Variants in ELAVL4 observed in about 807,000 individuals in gnomAD.
ELAVL4 encodes ELAV like RNA binding protein 4, also known as ELAV-like protein 4.
In ELAVL4, 1 loss-of-function variant was observed where a neutral mutation model predicts 35.6. That is an observed-to-expected ratio of 0.03 (90% CI 0.01 to 0.13). The LOEUF is 0.13. Ranked by LOEUF, ELAVL4 falls within the 10% of genes least tolerant of loss-of-function variation. The pLI, the probability that ELAVL4 is intolerant of heterozygous loss-of-function variation, is 1.00. For missense variants in ELAVL4, 267 were observed against 464.9 expected (o/e 0.57, Z 3.91); for synonymous variants, 156 against 171.0 (o/e 0.91, Z 0.69).
At chr1:50,138,482 TG>T (rs1672269074) in intron 1 of ELAVL4, among the ~76,000 whole-genome samples, 1 of 151,034 alleles carries the variant, frequency 6.6e-6, no homozygotes, top group Non-Finnish European at 1.5e-5. Context: ...TTTTTTGAGG[TG>T]GAGTCTTGCT....
chr1:50,140,720 A>C (rs1557768007), intron 1 of ELAVL4, among the ~76,000 whole-genome samples: 1 of 152,088 alleles, frequency 6.6e-6, no homozygotes, highest in East Asian at 1.9e-4. Flanking sequence ...GCACACTTTT[A>C]TTGAGAAAAC....
At chr1:50,094,922 T>TC (rs1481453446) in intron 1 of ELAVL4, among the ~76,000 whole-genome samples, 1 of 151,758 alleles carries the variant, frequency 6.6e-6, no homozygotes, top group East Asian at 1.9e-4. Flanking sequence ...GGAGTGAGAC[T>TC]CCATCTCAAA....
rs1644417432 is a variant in ELAVL4 at position 50,202,145 on chromosome 1, C to A, written c.*967C>A. The A allele has an allele frequency of 6.6e-6, 1 of 151,942 alleles. No homozygotes were observed. The highest frequency in any genetic ancestry group is 2.1e-4 in the South Asian group (1 of 4,826). The allele number at this position is 151,942 out of a possible 1,614,324, so 9.4% of individuals were successfully genotyped here. On this transcript the variant is annotated 3_prime_UTR_variant, in exon 7 of 7. Coordinates refer to ENST00000371824, the MANE Select transcript of ELAVL4 (RefSeq NM_001144774.3). The stretch of plus-strand genomic sequence containing the variant: ...ATAGCATGTAATAATAATTAAAAAA[C>A]AATTATTAATTACTAGGGGAAAGGA...
intron 3 of ELAVL4, among the ~76,000 whole-genome samples, chr1:50,183,987 C>T (rs551569269): frequency 7.9e-5 from 12 of 152,232 alleles, no homozygotes; most frequent in South Asian, 2.1e-4. Context: ...TCAGCAGGGG[C>T]GGCTGGATCA....
chr1:50,048,270 C>T, intron 1 of ELAVL4: 6 of 1,390,274 alleles, frequency 4.3e-6, no homozygotes, highest in Non-Finnish European at 5.6e-6. Flanking sequence ...TCGCGACTGG[C>T]TTCTCCCAGC....
chr1:50,188,344 A>G (rs2148864939), intron 3 of ELAVL4, among the ~76,000 whole-genome samples: 1 of 152,280 alleles, frequency 6.6e-6, no homozygotes, highest in African/African-American at 2.4e-5. Flanking sequence ...TATGAACCAC[A>G]GTTATAGAAA....
chr1:50,090,460 GA>G (rs957012475), intron 1 of ELAVL4, among the ~76,000 whole-genome samples: 113 of 149,212 alleles, frequency 7.6e-4, no homozygotes, highest in African/African-American at 2.4e-3. Flanking sequence ...TATTGCAATT[GA>G]AAAAAAAAAT....
chr1:50,194,275 G>T (rs1343971500), intron 4 of ELAVL4, among the ~76,000 whole-genome samples: 1 of 152,184 alleles, frequency 6.6e-6, no homozygotes, highest in Non-Finnish European at 1.5e-5. Flanking sequence ...TGTATGCATA[G>T]CTGTAACTCC....
chr1:50,120,554 C>T (rs1668855115), intron 1 of ELAVL4, among the ~76,000 whole-genome samples: 1 of 152,000 alleles, frequency 6.6e-6, no homozygotes, highest in Non-Finnish European at 1.5e-5. Flanking sequence ...ACTGTCCTTT[C>T]TTAATTCTTT....
At chr1:50,140,045 G>A (rs868435360) in intron 1 of ELAVL4, among the ~76,000 whole-genome samples, 9 of 152,174 alleles carry the variant, frequency 5.9e-5, no homozygotes, top group Admixed American at 6.5e-5. Context: ...AAGATTTAAT[G>A]TAGTGCTTTG....
chr1:50,056,284 CT>C (rs906293971), intron 1 of ELAVL4, among the ~76,000 whole-genome samples: 6 of 152,276 alleles, frequency 3.9e-5, no homozygotes, highest in African/African-American at 1.2e-4. Flanking sequence ...GTACTACAAA[CT>C]TTCCCTGTCT....
chr1:50,118,986 G>A (rs1278161529), intron 1 of ELAVL4, among the ~76,000 whole-genome samples: 1 of 147,762 alleles, frequency 6.8e-6, no homozygotes, highest in Non-Finnish European at 1.5e-5. Context: ...GGGAGGGAGA[G>A]AGAGAGAGAG....
At chr1:50,069,628 A>T (rs1664422115) in intron 1 of ELAVL4, among the ~76,000 whole-genome samples, 1 of 152,140 alleles carries the variant, frequency 6.6e-6, no homozygotes, top group Non-Finnish European at 1.5e-5. Flanking sequence ...CCTCTTAGTG[A>T]TGTTGTTAAC....
intron 1 of ELAVL4, among the ~76,000 whole-genome samples, chr1:50,084,638 G>T (rs999055255): frequency 6.6e-6 from 1 of 151,862 alleles, no homozygotes; most frequent in African/African-American, 2.4e-5. Flanking sequence ...TTTTCTGTTC[G>T]TGGAACAAGT....
At chr1:50,184,105 G>A (rs1322289500) in intron 3 of ELAVL4, among the ~76,000 whole-genome samples, 1 of 152,108 alleles carries the variant, frequency 6.6e-6, no homozygotes, top group African/African-American at 2.4e-5. Flanking sequence ...GATTTTATTT[G>A]GCTGCTCTGC....
At chr1:50,141,561 G>A (rs549754417) in intron 1 of ELAVL4, among the ~76,000 whole-genome samples, 1 of 152,270 alleles carries the variant, frequency 6.6e-6, no homozygotes, top group African/African-American at 2.4e-5. Context: ...CTGCCTCCTA[G>A]CCAGGAGTTG....
intron 1 of ELAVL4, among the ~76,000 whole-genome samples, chr1:50,139,542 A>G (rs1672463972): frequency 6.6e-6 from 1 of 152,170 alleles, no homozygotes; most frequent in Admixed American, 6.6e-5. Context: ...TTCAGCACAG[A>G]TCTCGGCTCC....
At chr1:50,077,847 C>CAAGGAAGTGAGTAGGATGAAG (rs1375630417) in intron 1 of ELAVL4, among the ~76,000 whole-genome samples, 6 of 152,138 alleles carry the variant, frequency 3.9e-5, no homozygotes, top group African/African-American at 1.4e-4. Context: ...CTCTCAATAA[C>CAAGGAAGTGAGTAGGATGAAG]TTTATCCCTC....
At chr1:50,069,535 T>C (rs1664417419) in intron 1 of ELAVL4, among the ~76,000 whole-genome samples, 1 of 152,170 alleles carries the variant, frequency 6.6e-6, no homozygotes, top group African/African-American at 2.4e-5. Flanking sequence ...AGAGAAGTTG[T>C]TCAATAAATA....
Sources: gnomAD v4.1 joint callset for allele counts (sites outside exome capture counted in the v4.1 genomes callset) on GRCh38, gnomAD v4.1.1 for gene constraint, MANE v1.5 for transcripts, NCBI Gene and HGNC (gene_info 2026-07-23, HGNC 2026-07-21) for gene names.